CNTNAP4: variants seen among roughly 807,000 people sequenced by gnomAD.
CNTNAP4 encodes contactin-associated protein-like 4.
CNTNAP4 carries 98 observed loss-of-function variants against 148.4 expected under a neutral mutation model. The observed-to-expected ratio is 0.66, with a 90% CI of 0.56 to 0.78. The LOEUF (loss-of-function observed/expected upper bound fraction) is 0.78. Among genes scored for constraint, CNTNAP4 ranks in the 30% least tolerant of loss-of-function variants. The pLI is 0.00. For missense variants in CNTNAP4, 1,935 were observed against 1,565.6 expected (o/e 1.24, Z -3.98); for synonymous variants, 730 against 565.1 (o/e 1.29, Z -4.14).
At chr16:76,484,193 A>G (rs2081941239) in intron 12 of CNTNAP4, among the ~76,000 whole-genome samples, 1 of 147,740 alleles carries the variant, frequency 6.8e-6, no homozygotes, top group East Asian at 2.1e-4. Context: ...GGAAAGAGAG[A>G]GAGAGAACAA....
chr16:76,281,377 G>A (rs1958682177), intron 1 of CNTNAP4, among the ~76,000 whole-genome samples: 2 of 151,986 alleles, frequency 1.3e-5, no homozygotes, highest in Non-Finnish European at 2.9e-5. Flanking sequence ...TAATAGCAAT[G>A]GTGATTTATT....
chr16:76,468,578 C>T lies in CNTNAP4; in HGVS notation c.1655+1055C>T, dbSNP rs745719058. ...TCGTAGCTCACTGCACCCTCCACCT[C>T]CTTAGCTCAAGCCATCCTATCTCAG... On this transcript the variant is annotated intron_variant, in intron 10 of 23. Transcript: ENST00000611870. Among the ~76,000 whole-genome samples the T allele has an allele frequency of 6.6e-4, 100 of 152,144 alleles. 1 individual carries two copies. The highest frequency in any genetic ancestry group is 8.5e-4 in the Non-Finnish European group (58 of 68,040).
rs185801222 is a variant in CNTNAP4, at chr16:76,372,362, A to T, written c.390+16851A>T. Among the ~76,000 whole-genome samples the T allele has an allele frequency of 8.2e-3, 1,223 of 148,924 alleles. 4 individuals are homozygous for T. The highest frequency in any genetic ancestry group is 0.028 in the Middle Eastern group (8 of 290). On this transcript the variant is annotated intron_variant, in intron 3 of 23. Coordinates refer to ENST00000611870, the MANE Select transcript of CNTNAP4 (RefSeq NM_033401.5). ...ACAGAGTTTCACTGTGTTAGCCAGG[A>T]TGGTCTCGATTTCCTGACCTCGTGA...
intron 13 of CNTNAP4, among the ~76,000 whole-genome samples, chr16:76,492,398 C>A (rs572190608): frequency 6.6e-6 from 1 of 151,898 alleles, no homozygotes; most frequent in East Asian, 1.9e-4. Context: ...AATTTTACTG[C>A]GAAGCTGAAA....
intron 3 of CNTNAP4, among the ~76,000 whole-genome samples, chr16:76,424,230 CA>C (rs1319611376): frequency 6.6e-6 from 1 of 152,100 alleles, no homozygotes; most frequent in African/African-American, 2.4e-5. Flanking sequence ...TCTTTTCTCC[CA>C]GTCCCTTAAG....
At chr16:76,399,751 T>A (rs1456554137) in intron 3 of CNTNAP4, among the ~76,000 whole-genome samples, 1 of 152,262 alleles carries the variant, frequency 6.6e-6, no homozygotes, top group Non-Finnish European at 1.5e-5. Context: ...AGCACTGCTG[T>A]ATTAAAACTT....
intron 16 of CNTNAP4, 44 bp downstream of exon 16, chr16:76,521,354 A>G (rs761008118): frequency 2.1e-5 from 32 of 1,492,686 alleles, no homozygotes; most frequent in Non-Finnish European, 2.7e-5. Context: ...TCTATCATTT[A>G]GTAGTAAATC....
At position 76,448,829 on chromosome 16, in the gene CNTNAP4, G is replaced by T; in HGVS notation, c.805G>T (p.Asp269Tyr). ...TCTCACCCTGGGCAGCCTGCTAGAT[G>T]ATCAGCATTGGCATTCAGTGCTCAT... ...VNLTLGSLLD[D>Y]QHWHSVLIQR... Residue 269 changes from aspartate to tyrosine, a missense_variant, in exon 6 of 24, where the codon GAT (aspartate) becomes TAT (tyrosine). Asp to Tyr is a radical substitution (Grantham distance 160). Coordinates refer to ENST00000611870, the MANE Select transcript of CNTNAP4 (RefSeq NM_033401.5). 1 of 1,612,684 alleles carries T rather than the reference G, an allele frequency of 6.2e-7. No individual in the cohort carries two copies. Among genetic ancestry groups the T allele is most frequent in the East Asian group, 2.2e-5 (1 of 44,820 alleles).
chr16:76,522,596 C>T (rs1010208829), intron 17 of CNTNAP4, among the ~76,000 whole-genome samples: 2 of 91,514 alleles, frequency 2.2e-5, no homozygotes, highest in African/African-American at 4.0e-5. Context: ...CTCTCTCTCT[C>T]TTTCTTTTCT....
intron 9 of CNTNAP4, among the ~76,000 whole-genome samples, chr16:76,464,802 T>C (rs2081118945): frequency 6.6e-6 from 1 of 152,238 alleles, no homozygotes; most frequent in Non-Finnish European, 1.5e-5. Context: ...CTTTTTACTC[T>C]GTAGCTTTTT....
intron 15 of CNTNAP4, among the ~76,000 whole-genome samples, chr16:76,518,650 G>A (rs2083342649): frequency 6.6e-6 from 1 of 151,980 alleles, no homozygotes; most frequent in Admixed American, 6.6e-5. Context: ...CCAGTCAGGG[G>A]ACTTAGGATA....
At chr16:76,299,837 C>G (rs1018117755) in intron 1 of CNTNAP4, among the ~76,000 whole-genome samples, 2 of 152,116 alleles carry the variant, frequency 1.3e-5, no homozygotes, top group African/African-American at 2.4e-5. Flanking sequence ...AAGTTCATGT[C>G]CTTTGTAGGG....
At position 76,558,608 on chromosome 16, in the gene CNTNAP4, T is replaced by C; in HGVS notation, c.3852T>C (p.Ser1284=). The C allele has an allele frequency of 6.2e-7, 1 of 1,613,478 alleles. No individual in the cohort carries two copies. The highest frequency in any genetic ancestry group is 8.5e-7 in the Non-Finnish European group (1 of 1,179,588). The change falls in exon 24 of 24, where the codon AGT becomes AGC. Residue 1284 remains serine (S), a synonymous_variant. Transcript: ENST00000611870. ...SEAKRSENVD[S]AEAVLKSELN... is the part of the protein sequence containing the mutation. ...CAAAAAGGTCAGAGAATGTAGACAGTGCTGAGGCTGTTCTGAAAAGTGAGC... is the reference window on the plus strand; with the variant it reads ...CAAAAAGGTCAGAGAATGTAGACAGCGCTGAGGCTGTTCTGAAAAGTGAGC...
chr16:76,338,843 TA>T (rs1226217019), intron 2 of CNTNAP4, among the ~76,000 whole-genome samples: 1 of 152,164 alleles, frequency 6.6e-6, no homozygotes, highest in Non-Finnish European at 1.5e-5. Context: ...TGTGTAAGAT[TA>T]TTGTGAAAAT....
intron 3 of CNTNAP4, among the ~76,000 whole-genome samples, chr16:76,412,365 T>A (rs977116774): frequency 6.6e-6 from 1 of 151,390 alleles, no homozygotes; most frequent in African/African-American, 2.4e-5. Flanking sequence ...GGTACATCAT[T>A]CTTCAGAGTG....
At chr16:76,548,842 TATATTTTTGCCC>T (rs1220856014) in intron 21 of CNTNAP4, among the ~76,000 whole-genome samples, 3 of 152,200 alleles carry the variant, frequency 2.0e-5, no homozygotes, top group Admixed American at 6.5e-5. Flanking sequence ...AAGAAAAACT[TATATTTTTGCCC>T]ATTGGCTTAT....
intron 3 of CNTNAP4, among the ~76,000 whole-genome samples, chr16:76,402,241 A>G (rs2078444787): frequency 6.6e-6 from 1 of 152,028 alleles, no homozygotes; most frequent in Admixed American, 6.6e-5. Context: ...TCAGGGAATC[A>G]ATTTCTTCCG....
At chr16:76,289,895 T>C (rs1959044637) in intron 1 of CNTNAP4, among the ~76,000 whole-genome samples, 1 of 152,186 alleles carries the variant, frequency 6.6e-6, no homozygotes, top group African/African-American at 2.4e-5. Flanking sequence ...TAATTGCACA[T>C]ATGTTCCTTT....
At chr16:76,467,024 G>A (rs1775344383) in intron 9 of CNTNAP4, among the ~76,000 whole-genome samples, 1 of 152,016 alleles carries the variant, frequency 6.6e-6, no homozygotes, top group African/African-American at 2.4e-5. Flanking sequence ...GTTCCCATCT[G>A]TAAGTTATAT....
Sources: gnomAD v4.1 joint callset for allele counts (sites outside exome capture counted in the v4.1 genomes callset) on GRCh38, gnomAD v4.1.1 for gene constraint, MANE v1.5 for transcripts, NCBI Gene and HGNC (gene_info 2026-07-23, HGNC 2026-07-21) for gene names.